The following NTPCR variants were observed in gnomAD, a reference collection of about 807,000 sequenced individuals.
NTPCR encodes cancer-related nucleoside-triphosphatase.
NTPCR carries 15 observed loss-of-function variants against 19.5 expected under a neutral mutation model. That is an observed-to-expected ratio of 0.77 (90% CI 0.51 to 1.18). The LOEUF is 1.18. Ranked by LOEUF, NTPCR falls within the 50% of genes most tolerant of loss-of-function variation. The pLI is 0.00. For synonymous variants in NTPCR, 90 were observed against 95.8 expected, an observed-to-expected ratio of 0.94 and a Z score of 0.36; for missense variants, 206 against 240.4, an observed-to-expected ratio of 0.86 and a Z score of 0.95.
intron 3 of NTPCR, among the ~76,000 whole-genome samples, chr1:232,961,681 T>G (rs1318348570): frequency 6.6e-6 from 1 of 152,216 alleles, no homozygotes; most frequent in African/African-American, 2.4e-5. Flanking sequence ...ATTCCAAATT[T>G]ATATAAAATT....
intron 2 of NTPCR, 96 bp downstream of exon 2, chr1:232,955,815 C>T: frequency 8.1e-7 from 1 of 1,236,020 alleles, no homozygotes; most frequent in Admixed American, 1.9e-5. Flanking sequence ...TCACCAAAAG[C>T]AGATACTCTG....
chr1:232,953,566 A>AT lies in NTPCR; in HGVS notation c.35-1991_35-1990insT, dbSNP rs111288060. ...TTATCTTTTTCAAAATATAAACGGCAATTTTTGTTAGGATAAGAGTAAGAC... is the reference window on the plus strand; with the variant it reads ...TTATCTTTTTCAAAATATAAACGGCATATTTTTGTTAGGATAAGAGTAAGAC... On this transcript the variant is annotated intron_variant, in intron 1 of 4. Coordinates refer to ENST00000366628, the MANE Select transcript of NTPCR (RefSeq NM_032324.3). Among the ~76,000 whole-genome samples the AT allele has an allele frequency of 4.0e-3, 605 of 152,222 alleles. 4 individuals are homozygous for AT. The highest frequency in any genetic ancestry group is 0.014 in the African/African-American group (577 of 41,522).
chr1:232,974,787 A>T (rs931344439), intron 4 of NTPCR, among the ~76,000 whole-genome samples: 4 of 152,166 alleles, frequency 2.6e-5, no homozygotes, highest in Non-Finnish European at 5.9e-5. Flanking sequence ...GTCCTGCCAT[A>T]ACTCACTCCC....
rs190010825 is a variant in NTPCR at position 232,961,630 on chromosome 1, G to A, written c.294+5187G>A. On this transcript the variant is annotated intron_variant, in intron 3 of 4. Transcript: ENST00000366628. ...TTTTCTCAGTTTAGCACTTCACTTT[G>A]GTGATTATTTTCCCTTCAAGGTAGA... Among the ~76,000 whole-genome samples the A allele has an allele frequency of 5.3e-3, 804 of 152,008 alleles. 9 individuals carry two copies. The highest frequency in any genetic ancestry group is 0.019 in the African/African-American group (775 of 41,446).
chr1:232,952,785 G>T (rs1253097111), intron 1 of NTPCR, among the ~76,000 whole-genome samples: 1 of 151,960 alleles, frequency 6.6e-6, no homozygotes, highest in Non-Finnish European at 1.5e-5. Flanking sequence ...CAGACCATCA[G>T]GTAAAGTCTC....
Position 232,980,294 on chromosome 1 carries a change from T to A in NTPCR, c.*2063T>A, listed in dbSNP as rs1669249546. The A allele has an allele frequency of 1.3e-5, 2 of 152,188 alleles. No homozygotes were observed. Among genetic ancestry groups the A allele is most frequent in the South Asian group, 2.1e-4 (1 of 4,832 alleles). The allele number at this position is 152,188 out of a possible 1,614,324, so 9.4% of individuals were successfully genotyped here. A position where few individuals can be genotyped will look rare whatever the true frequency, so the allele number is the denominator to read the frequency against. ...CGGGAGCTTCTGCACACTTTCCCTTTAACGGTAAAGAGACAAGCTTGGAGT... is the reference window on the plus strand; with the variant it reads ...CGGGAGCTTCTGCACACTTTCCCTTAAACGGTAAAGAGACAAGCTTGGAGT... On this transcript the variant is annotated 3_prime_UTR_variant, in exon 5 of 5. Transcript: ENST00000366628.
In NTPCR at chr1:232,978,243, T is replaced by G; in HGVS notation, c.*12T>G. ...GCAGCAGGAAGTGAAGACACGTGCATTCCTGCCTTCCGTGAAGGAGTGCCC... is the reference window on the plus strand; with the variant it reads ...GCAGCAGGAAGTGAAGACACGTGCAGTCCTGCCTTCCGTGAAGGAGTGCCC... On this transcript the variant is annotated 3_prime_UTR_variant, in exon 5 of 5. Transcript: ENST00000366628. 6.2e-7 allele frequency: 1 copy of G among 1,612,510 alleles called. No individual in the cohort carries two copies. Among genetic ancestry groups the G allele is most frequent in the African/African-American group, 1.3e-5 (1 of 75,044 alleles).
Position 232,957,280 on chromosome 1 carries a change from T to G in NTPCR, c.294+837T>G, listed in dbSNP as rs139256475. On this transcript the variant is annotated intron_variant, in intron 3 of 4. Transcript: ENST00000366628. ...TTTGTGAATGATTCGTATTAATTTT[T>G]CTTTGAATAATTGATAGAATTCACT... Among the ~76,000 whole-genome samples, 642 of 152,332 alleles carry G rather than the reference T, an allele frequency of 4.2e-3. 1 individual carries two copies. The highest frequency in any genetic ancestry group is 6.7e-3 in the Non-Finnish European group (453 of 68,034).
At chr1:232,974,203 C>G (rs1019401800) in intron 4 of NTPCR, among the ~76,000 whole-genome samples, 4 of 152,170 alleles carry the variant, frequency 2.6e-5, no homozygotes, top group Admixed American at 6.5e-5. Flanking sequence ...GCAGATTTCT[C>G]AGGAGAAACC....
intron 3 of NTPCR, among the ~76,000 whole-genome samples, chr1:232,957,839 G>T (rs1244700143): frequency 2.0e-5 from 3 of 152,194 alleles, no homozygotes; most frequent in Non-Finnish European, 2.9e-5. Context: ...GGGACAGGAA[G>T]AACTGACTTT....
At chr1:232,963,578 C>T (rs547439656) in intron 3 of NTPCR, 4 of 152,222 alleles carry the variant, frequency 2.6e-5, no homozygotes, top group East Asian at 3.9e-4. Flanking sequence ...TCTCGCCTCC[C>T]GTGCGTATCA....
In NTPCR at chr1:232,959,844, C is replaced by T. The variant is rs995652581; in HGVS notation, c.294+3401C>T. Among the ~76,000 whole-genome samples the T allele has an allele frequency of 4.6e-5, 7 of 151,794 alleles. No homozygotes were observed. In the South Asian group the frequency reaches 6.3e-4, roughly 14 times the overall value. ...TGTGTGTGTGTGTGTTTTAATACTA[C>T]AAAAAAATAAGAAAAAAGTACTTCT... On this transcript the variant is annotated intron_variant, in intron 3 of 4. Transcript: ENST00000366628.
At chr1:232,977,850 G>A (rs1200801167) in intron 4 of NTPCR, among the ~76,000 whole-genome samples, 20 of 152,294 alleles carry the variant, frequency 1.3e-4, no homozygotes, top group Admixed American at 1.3e-4. Context: ...CAGGGGTCCT[G>A]TGTGCCCATC....
At chr1:232,975,421 C>T (rs1669098076) in intron 4 of NTPCR, among the ~76,000 whole-genome samples, 1 of 152,134 alleles carries the variant, frequency 6.6e-6, no homozygotes, top group Non-Finnish European at 1.5e-5. Flanking sequence ...GATACTGGGT[C>T]CTGCTTATGT....
intron 4 of NTPCR, chr1:232,977,331 C>A (rs1016216549): frequency 6.6e-6 from 1 of 152,572 alleles, no homozygotes; most frequent in African/African-American, 2.4e-5. Flanking sequence ...GGGTCCTTAC[C>A]TGTGGTGCTT....
intron 4 of NTPCR, among the ~76,000 whole-genome samples, chr1:232,975,995 C>T (rs2102760198): frequency 6.6e-6 from 1 of 152,284 alleles, no homozygotes; most frequent in South Asian, 2.1e-4. Context: ...GTGCTTTTCT[C>T]AACAGGGAAT....
chr1:232,961,631 G>A (rs1668671270), intron 3 of NTPCR, among the ~76,000 whole-genome samples: 1 of 151,990 alleles, frequency 6.6e-6, no homozygotes, highest in African/African-American at 2.4e-5. Context: ...CTTCACTTTG[G>A]TGATTATTTT....
At chr1:232,959,441 AAT>A (rs1237191670) in intron 3 of NTPCR, among the ~76,000 whole-genome samples, 1 of 152,176 alleles carries the variant, frequency 6.6e-6, no homozygotes, top group Non-Finnish European at 1.5e-5. Context: ...AAAATGGACT[AAT>A]ATAGGATTCT....
At position 232,978,917 on chromosome 1, in the gene NTPCR, T is replaced by G. The variant is rs1450835571; in HGVS notation, c.*686T>G. 6.6e-6 allele frequency: 1 copy of G among 152,156 alleles called. No homozygotes were observed. Among genetic ancestry groups the G allele is most frequent in the African/African-American group, 2.4e-5 (1 of 41,418 alleles). The allele number at this position is 152,156 out of a possible 1,614,324, so 9.4% of individuals were successfully genotyped here. ...GTTTGCATAAGAGCACTGCTTTGCC[T>G]TAGTTTACTCGGGAGCAATTTTGAA... On this transcript the variant is annotated 3_prime_UTR_variant, in exon 5 of 5. Coordinates refer to ENST00000366628, the MANE Select transcript of NTPCR (RefSeq NM_032324.3).
Sources: allele counts gnomAD v4.1 joint callset (sites outside exome capture counted in the v4.1 genomes callset), GRCh38; gene constraint gnomAD v4.1.1; transcripts MANE v1.5; gene names NCBI Gene and HGNC (gene_info 2026-07-23, HGNC 2026-07-21).